Variants in VWF observed in about 807,000 individuals in gnomAD.
VWF encodes the protein Factor VIII related antigen.
A neutral mutation model predicts 308.6 loss-of-function variants in VWF; 176 were observed. The observed-to-expected ratio is 0.57, with a 90% CI of 0.50 to 0.65. VWF has a LOEUF of 0.65. VWF is among the 30% of genes least tolerant of loss of function. VWF has a pLI of 0.00. For synonymous variants in VWF, 1,385 were observed against 1,443.4 expected (o/e 0.96, Z 0.92); for missense variants, 3,146 against 3,648.2 (o/e 0.86, Z 3.55).
intron 2 of VWF, among the ~76,000 whole-genome samples, chr12:6,122,221 G>A (rs1321823363): frequency 1.3e-5 from 2 of 152,154 alleles, no homozygotes; most frequent in Non-Finnish European, 2.9e-5. Flanking sequence ...AATGTCTATA[G>A]TATAGCCCTC....
In VWF at chr12:5,953,763, G is replaced by C. The variant is rs1439526540; in HGVS notation, c.7888-169C>G. ...GCTTTTGTCAGTTCTCAGTCCCCTA[G>C]GTAGCATTCCTTCACTCTGCATGTG... On this transcript the variant is annotated intron_variant, in intron 47 of 51. Transcript: ENST00000261405. The C allele has an allele frequency of 7.6e-6, 5 of 658,826 alleles. No individual in the cohort carries two copies. The Admixed American group carries it at 1.1e-4, about 14-fold the overall frequency. 40.8% of individuals were successfully genotyped at this position (658,826 alleles called of 1,614,324 possible). A position where few individuals can be genotyped will look rare whatever the true frequency, so the allele number is the denominator to read the frequency against.
At chr12:6,009,423 TCAAACACACACA>T (rs1187799158) in intron 34 of VWF, among the ~76,000 whole-genome samples, 1 of 63,052 alleles carries the variant, frequency 1.6e-5, no homozygotes, top group African/African-American at 5.5e-5. Context: ...ATGGCCATTA[TCAAACACACACA>T]CACACACACA....
At chr12:6,102,496 G>A (rs1945175849) in intron 5 of VWF, among the ~76,000 whole-genome samples, 1 of 152,142 alleles carries the variant, frequency 6.6e-6, no homozygotes, top group Non-Finnish European at 1.5e-5. Flanking sequence ...CAGCACTGTG[G>A]GAGGCCGAGG....
chr12:6,046,599 G>C lies in VWF; in HGVS notation c.2281+124C>G, dbSNP rs1315522944. 2.0e-6 allele frequency: 2 copies of C among 991,726 alleles called. No homozygotes were observed. The highest frequency in any genetic ancestry group is 3.2e-6 in the Non-Finnish European group (2 of 631,080). 61.4% of individuals were successfully genotyped at this position (991,726 alleles called of 1,614,324 possible). On this transcript the variant is annotated intron_variant, in intron 17 of 51. Transcript: ENST00000261405. This position sits in a 1 kb window ranked among gnomAD's most constrained non-coding sequence, Gnocchi z 5.0. ...AGAAATGAAGGCGATCCTGGGCGAA[G>C]CCAGACCCATGCCTGGGTGCACACG...
chr12:6,103,253 A>G (rs1945187627), intron 5 of VWF, among the ~76,000 whole-genome samples: 1 of 151,912 alleles, frequency 6.6e-6, no homozygotes. Flanking sequence ...GCATGAACCC[A>G]GGAGGCGGAG....
intron 34 of VWF, among the ~76,000 whole-genome samples, chr12:6,004,846 A>G (rs1943909943): frequency 6.6e-6 from 1 of 152,150 alleles, no homozygotes; most frequent in Non-Finnish European, 1.5e-5. Context: ...AAGATTCAAT[A>G]CTTGGAATAA....
chr12:6,052,900 T>A, intron 15 of VWF, 117 bp from the exon 16 acceptor site: 1 of 1,394,872 alleles, frequency 7.2e-7, no homozygotes. Context: ...AAAATTTTTA[T>A]TGAGATAATT....
At chr12:5,978,429 ATTTTTTGTAT>A (rs767023305) in intron 42 of VWF, among the ~76,000 whole-genome samples, 12 of 151,946 alleles carry the variant, frequency 7.9e-5, no homozygotes, top group Non-Finnish European at 1.5e-4. Flanking sequence ...CACCCAACTA[ATTTTTTGTAT>A]TTTTTAGTAG....
chr12:6,096,644 T>C lies in VWF; in HGVS notation c.533-1060A>G, dbSNP rs539796092. Among the ~76,000 whole-genome samples the C allele has an allele frequency of 4.6e-5, 7 of 152,330 alleles. No individual in the cohort carries two copies. The East Asian group carries it at 5.8e-4, about 13-fold the overall frequency. ...ATGGAACCTAAGCCCAGTCCCCAAGTCACTGCATACTCCAGGCTCTCACAG... is the reference window on the plus strand; with the variant it reads ...ATGGAACCTAAGCCCAGTCCCCAAGCCACTGCATACTCCAGGCTCTCACAG... On this transcript the variant is annotated intron_variant, in intron 5 of 51. Coordinates refer to ENST00000261405, the MANE Select transcript of VWF (RefSeq NM_000552.5).
At chr12:5,969,133 G>T in intron 45 of VWF, 78 bp downstream of exon 45, 1 of 1,524,456 alleles carries the variant, frequency 6.6e-7, no homozygotes, top group Non-Finnish European at 8.9e-7. Flanking sequence ...AAAAGGCAAA[G>T]AATTCAGGAG....
intron 20 of VWF, among the ~76,000 whole-genome samples, chr12:6,032,059 G>A (rs1404547958): frequency 2.0e-5 from 3 of 152,174 alleles, no homozygotes; most frequent in Non-Finnish European, 4.4e-5. Flanking sequence ...AGCTCCATGG[G>A]TCCTGAGCTA....
At position 5,970,962 on chromosome 12, in the gene VWF, T is replaced by C. The variant is rs922227544; in HGVS notation, c.7548+637A>G. 3.2e-4 allele frequency among the ~76,000 whole-genome samples: 49 copies of C among 152,146 alleles called. 3 individuals are homozygous for C. Among genetic ancestry groups the C allele is most frequent in the Non-Finnish European group, 1.5e-5 (1 of 68,028 alleles). ...AATCCTCTGTGTTTAAGAAAATGGC[T>C]TGATGAGCATCAGAGTCTAAGAGAG... On this transcript the variant is annotated intron_variant, in intron 44 of 51. Transcript: ENST00000261405.
At chr12:5,993,647 GTGTATA>G (rs746855103) in intron 37 of VWF, among the ~76,000 whole-genome samples, 4 of 146,506 alleles carry the variant, frequency 2.7e-5, no homozygotes, top group African/African-American at 7.8e-5. Context: ...GTGTGTGTGT[GTGTATA>G]TATATATATA....
At chr12:5,970,557 G>T (rs886184216) in intron 44 of VWF, among the ~76,000 whole-genome samples, 1 of 152,168 alleles carries the variant, frequency 6.6e-6, no homozygotes, top group African/African-American at 2.4e-5. Flanking sequence ...GGGCACATGG[G>T]AGCAGAAGCA....
In VWF at chr12:6,098,215, T is replaced by C. The variant is rs58044328; in HGVS notation, c.533-2631A>G. Among the ~76,000 whole-genome samples, 1,112 of 152,346 alleles carry C rather than the reference T, an allele frequency of 7.3e-3. 13 individuals are homozygous for C. The highest frequency in any genetic ancestry group is 0.025 in the African/African-American group (1,047 of 41,584). The stretch of plus-strand genomic sequence containing the variant: ...TTGGGGACAAACATTGTTGAGTCTT[T>C]AACAACCAAAGACAACTAAACCCCC... On this transcript the variant is annotated intron_variant, in intron 5 of 51. Transcript: ENST00000261405.
In VWF at chr12:6,046,829, A is replaced by G; in HGVS notation, c.2187-12T>C. ...CATCCTCACAGTAGCTGCAGAGAAG[A>G]AAATCATAGCCGAGCTTCACGAGAC... On this transcript the variant is annotated splice_polypyrimidine_tract_variant and intron_variant, in intron 16 of 51. Transcript: ENST00000261405. The surrounding 1 kb of genome is among the most constrained non-coding windows in gnomAD (Gnocchi z 5.0). 1 of 1,613,516 alleles carries G rather than the reference A, an allele frequency of 6.2e-7. No individual in the cohort carries two copies.
rs182029382 is a variant in VWF at position 6,079,471 on chromosome 12, A to G, written c.658-3920T>C. Reference sequence around the variant, plus strand: ...AATACAAAAAAAAAATTAGCCGGGCATGGTGGCGGGCACCTGTAGTCCCAG... The same window carrying G: ...AATACAAAAAAAAAATTAGCCGGGCGTGGTGGCGGGCACCTGTAGTCCCAG... On this transcript the variant is annotated intron_variant, in intron 6 of 51. Coordinates refer to ENST00000261405, the MANE Select transcript of VWF (RefSeq NM_000552.5). 1.5e-3 allele frequency among the ~76,000 whole-genome samples: 222 copies of G among 152,204 alleles called. 1 individual carries two copies. The highest frequency in any genetic ancestry group is 3.4e-3 in the Middle Eastern group (1 of 294).
Position 6,018,450 on chromosome 12 carries a change from C to T in VWF, c.4968G>A (p.Thr1656=), listed in dbSNP as rs143838793. 111 of 1,612,790 alleles carry T rather than the reference C, an allele frequency of 6.9e-5. No homozygotes were observed. Among genetic ancestry groups the T allele is most frequent in the Non-Finnish European group, 8.4e-5 (99 of 1,179,520 alleles). Reference sequence around the variant, plus strand: ...CCAGGTCAGGAGCCTCTCGGGGGAGCGTCTCAAAGTCCTGGATGAGGATAG... The same window carrying T: ...CCAGGTCAGGAGCCTCTCGGGGGAGTGTCTCAAAGTCCTGGATGAGGATAG... The part of the protein sequence containing the change: ...NAPILIQDFE[T]LPREAPDLVL... Residue 1656 remains threonine (T), a synonymous_variant, in exon 28 of 52, where the codon ACG becomes ACA. Transcript: ENST00000261405.
intron 6 of VWF, among the ~76,000 whole-genome samples, chr12:6,079,254 C>T (rs1290948241): frequency 6.6e-6 from 1 of 152,186 alleles, no homozygotes; most frequent in Non-Finnish European, 1.5e-5. Flanking sequence ...CTCCCAGCTT[C>T]CCTGTTCTGC....
Sources: allele counts gnomAD v4.1 joint callset (sites outside exome capture counted in the v4.1 genomes callset), GRCh38; gene constraint gnomAD v4.1.1; non-coding constraint Gnocchi (gnomAD v3.1); transcripts MANE v1.5; gene names NCBI Gene and HGNC (gene_info 2026-07-23, HGNC 2026-07-21).